The following HACD2 variants were observed in gnomAD, a reference collection of about 807,000 sequenced individuals.
HACD2 encodes very-long-chain (3R)-3-hydroxyacyl-CoA dehydratase 2.
Under a neutral mutation model 31.0 loss-of-function variants are expected in HACD2, and 15 were observed. The ratio of observed to expected loss-of-function variants is 0.48; its 90% CI spans 0.32 to 0.75. The LOEUF (loss-of-function observed/expected upper bound fraction) is 0.75. Ranked by LOEUF, HACD2 falls within the 30% of genes least tolerant of loss-of-function variation. The pLI, the probability that HACD2 is intolerant of heterozygous loss-of-function variation, is 0.03. For synonymous variants in HACD2, 115 were observed against 122.2 expected (o/e 0.94, Z 0.39); for missense variants, 283 against 313.0 (o/e 0.90, Z 0.72).
At chr3:123,573,670 G>GT (rs2107755012) in intron 2 of HACD2, among the ~76,000 whole-genome samples, 1 of 152,222 alleles carries the variant, frequency 6.6e-6, no homozygotes, top group East Asian at 1.9e-4. Context: ...GGATCCTTAT[G>GT]TAACTCCTTT....
At chr3:123,510,761 T>C (rs1284670231) in intron 4 of HACD2, among the ~76,000 whole-genome samples, 1 of 152,154 alleles carries the variant, frequency 6.6e-6, no homozygotes. Context: ...TTGCTTTCAG[T>C]TCTTTTGGGT....
rs571158966 is a variant in HACD2 at position 123,551,494 on chromosome 3, G to A, written c.292+16268C>T. Among the ~76,000 whole-genome samples, 32 of 152,048 alleles carry A rather than the reference G, an allele frequency of 2.1e-4. No homozygotes were observed. The East Asian group carries it at 3.1e-3, about 15-fold the overall frequency. On this transcript the variant is annotated intron_variant, in intron 3 of 6. Coordinates refer to ENST00000383657, the MANE Select transcript of HACD2 (RefSeq NM_198402.5). Reference sequence around the variant, plus strand: ...ATAAAAATTAGCCAGGCATGGTGGCGAGTGCCTGTAATCCCAGCTACTCGG... The same window carrying A: ...ATAAAAATTAGCCAGGCATGGTGGCAAGTGCCTGTAATCCCAGCTACTCGG...
chr3:123,573,759 T>A (rs773935245), intron 2 of HACD2, among the ~76,000 whole-genome samples: 3 of 152,196 alleles, frequency 2.0e-5, no homozygotes, highest in Non-Finnish European at 4.4e-5. Flanking sequence ...ACTCCAAACA[T>A]GTTTTCAAAA....
chr3:123,555,701 A>C (rs2056665933), intron 3 of HACD2, among the ~76,000 whole-genome samples: 1 of 152,206 alleles, frequency 6.6e-6, no homozygotes. Flanking sequence ...AAATCCCAGG[A>C]AGCTATTTTG....
intron 4 of HACD2, among the ~76,000 whole-genome samples, chr3:123,527,504 C>T (rs1432540870): frequency 6.6e-6 from 1 of 152,162 alleles, no homozygotes; most frequent in African/African-American, 2.4e-5. Context: ...ACTTGGTTAT[C>T]AGTGCTTGTG....
intron 3 of HACD2, among the ~76,000 whole-genome samples, chr3:123,553,936 C>A (rs1247146245): frequency 6.6e-6 from 1 of 150,972 alleles, no homozygotes; most frequent in African/African-American, 2.4e-5. Flanking sequence ...GAATGAGCTT[C>A]ATCCAACTAA....
At chr3:123,574,742 C>T (rs34788517) in intron 2 of HACD2, among the ~76,000 whole-genome samples, 20,702 of 151,836 alleles carry the variant, frequency 0.14, 3,279 homozygotes, top group African/African-American at 0.34. Context: ...CTTTTACTCC[C>T]CCCTTGCCCC....
intron 3 of HACD2, among the ~76,000 whole-genome samples, chr3:123,552,154 C>G (rs2056626482): frequency 6.6e-6 from 1 of 151,994 alleles, no homozygotes; most frequent in Non-Finnish European, 1.5e-5. Context: ...GACAGTCTAC[C>G]CTAATTATAA....
intron 3 of HACD2, among the ~76,000 whole-genome samples, chr3:123,546,966 C>T (rs1437569812): frequency 6.6e-6 from 1 of 152,014 alleles, no homozygotes; most frequent in East Asian, 1.9e-4. Flanking sequence ...GAGTTCATAT[C>T]TAAAAAAATT....
intron 3 of HACD2, among the ~76,000 whole-genome samples, chr3:123,541,230 C>T (rs1027035012): frequency 1.3e-5 from 2 of 152,012 alleles, no homozygotes; most frequent in Admixed American, 6.6e-5. Context: ...AAGATTGCAC[C>T]ACTGCACTCC....
chr3:123,542,373 T>C (rs2107721449), intron 3 of HACD2, among the ~76,000 whole-genome samples: 1 of 152,188 alleles, frequency 6.6e-6, no homozygotes, highest in South Asian at 2.1e-4. Context: ...TTAGTGAATA[T>C]TAAAAAAGAA....
At chr3:123,567,313 G>T (rs556634679) in intron 3 of HACD2, among the ~76,000 whole-genome samples, 1 of 152,070 alleles carries the variant, frequency 6.6e-6, no homozygotes, top group African/African-American at 2.4e-5. Flanking sequence ...CCCTTTATAC[G>T]TAGTACTTCT....
At chr3:123,564,748 A>AT (rs1247795382) in intron 3 of HACD2, among the ~76,000 whole-genome samples, 1 of 152,212 alleles carries the variant, frequency 6.6e-6, no homozygotes, top group Non-Finnish European at 1.5e-5. Context: ...AGGTTAAAAG[A>AT]TTTTTAAGAC....
intron 3 of HACD2, among the ~76,000 whole-genome samples, chr3:123,542,261 C>G (rs1293321022): frequency 6.6e-6 from 1 of 150,638 alleles, no homozygotes; most frequent in Non-Finnish European, 1.5e-5. Context: ...ACAAAAATGG[C>G]CACAATTAAT....
chr3:123,500,389 C>A lies in HACD2; in HGVS notation c.682+126G>T, dbSNP rs529608510. The A allele has an allele frequency of 1.8e-5, 12 of 679,516 alleles. 1 individual carries two copies. In the East Asian group the frequency reaches 3.5e-4, roughly 20 times the overall value. 42.1% of individuals were successfully genotyped at this position (679,516 alleles called of 1,614,324 possible). A position where few individuals can be genotyped will look rare whatever the true frequency, so the allele number is the denominator to read the frequency against. The stretch of plus-strand genomic sequence containing the variant: ...TTTGATAGTCAGCATTCAATAAAAA[C>A]CAAGAATTCCCAATAAATGAGATTT... On this transcript the variant is annotated intron_variant, in intron 6 of 6. Transcript: ENST00000383657.
intron 2 of HACD2, among the ~76,000 whole-genome samples, chr3:123,576,772 T>A (rs1193290499): frequency 6.6e-6 from 1 of 152,106 alleles, no homozygotes; most frequent in African/African-American, 2.4e-5. Context: ...AATCAGTTAG[T>A]GTTTGAGCCA....
rs953024009 is a variant in HACD2 at position 123,529,914 on chromosome 3, TA to T, written c.293-1441del. ...TGTGGATTTCCTCTAGAAACCAATT[TA>T]AAAAAAAAAATATATTGAAGATGGA... On this transcript the variant is annotated intron_variant, in intron 3 of 6. Transcript: ENST00000383657. Among the ~76,000 whole-genome samples the T allele has an allele frequency of 3.3e-3, 495 of 148,370 alleles. 3 individuals are homozygous for T. Among genetic ancestry groups the T allele is most frequent in the African/African-American group, 0.011 (441 of 40,602 alleles).
At chr3:123,500,044 T>G (rs1226461783) in intron 6 of HACD2, among the ~76,000 whole-genome samples, 1 of 152,222 alleles carries the variant, frequency 6.6e-6, no homozygotes, top group Non-Finnish European at 1.5e-5. Flanking sequence ...AATAAATCTA[T>G]TATTATTTTG....
chr3:123,499,747 C>T (rs941590342), intron 6 of HACD2: 5 of 410,290 alleles, frequency 1.2e-5, no homozygotes, highest in Admixed American at 1.1e-4. Context: ...CACTGTATGT[C>T]GTTGGTTATA....
Sources: allele counts gnomAD v4.1 joint callset (sites outside exome capture counted in the v4.1 genomes callset), GRCh38; gene constraint gnomAD v4.1.1; transcripts MANE v1.5; gene names NCBI Gene and HGNC (gene_info 2026-07-23, HGNC 2026-07-21).